The following CTNNA3 variants were observed in gnomAD, a reference collection of about 807,000 sequenced individuals.
The protein encoded by CTNNA3 is catenin alpha-3.
Under a neutral mutation model 95.7 loss-of-function variants are expected in CTNNA3, and 76 were observed. The ratio of observed to expected loss-of-function variants is 0.79; its 90% confidence interval spans 0.66 to 0.96. CTNNA3 has a LOEUF of 0.96. Among genes scored for constraint, CTNNA3 ranks in the 40% least tolerant of loss-of-function variants. The pLI is 0.00. For missense variants in CTNNA3, 1,191 were observed against 1,089.8 expected (o/e 1.09, Z -1.31); for synonymous variants, 431 against 374.4 (o/e 1.15, Z -1.74).
At chr10:66,743,974 CAAAAAAAA>C (rs536825430) in intron 9 of CTNNA3, among the ~76,000 whole-genome samples, 1 of 45,056 alleles carries the variant, frequency 2.2e-5, no homozygotes, top group African/African-American at 8.4e-5. Context: ...GATTCCATCT[CAAAAAAAA>C]AAAAAAAAAA....
At chr10:66,002,399 G>A (rs2078788305) in intron 15 of CTNNA3, among the ~76,000 whole-genome samples, 1 of 152,084 alleles carries the variant, frequency 6.6e-6, no homozygotes, top group African/African-American at 2.4e-5. Flanking sequence ...AAGAACTTTT[G>A]GGATTCAAGT....
intron 5 of CTNNA3, among the ~76,000 whole-genome samples, chr10:67,472,561 A>G (rs964667916): frequency 1.3e-5 from 2 of 152,164 alleles, no homozygotes; most frequent in Non-Finnish European, 2.9e-5. Flanking sequence ...TTAACTCTGT[A>G]TGGTCTGGAT....
chr10:66,311,588 C>T (rs562890209), intron 12 of CTNNA3, among the ~76,000 whole-genome samples: 37 of 152,228 alleles, frequency 2.4e-4, no homozygotes, highest in Non-Finnish European at 4.0e-4. Flanking sequence ...GGCCTTGACC[C>T]GCAAGCTCCA....
At chr10:66,241,488 A>G (rs1245698997) in intron 13 of CTNNA3, among the ~76,000 whole-genome samples, 2 of 152,216 alleles carry the variant, frequency 1.3e-5, no homozygotes, top group African/African-American at 2.4e-5. Flanking sequence ...CTTTGAGGAT[A>G]TTAAGACCTT....
At chr10:65,949,921 T>A (rs2077581289) in intron 17 of CTNNA3, among the ~76,000 whole-genome samples, 2 of 152,122 alleles carry the variant, frequency 1.3e-5, no homozygotes, top group South Asian at 4.1e-4. Flanking sequence ...TCAGAGTGGG[T>A]GGAGACTGGA....
intron 1 of CTNNA3, among the ~76,000 whole-genome samples, chr10:67,690,124 C>T (rs532305421): frequency 1.1e-4 from 17 of 152,046 alleles, no homozygotes; most frequent in South Asian, 8.3e-4. Flanking sequence ...TACTCCCTTC[C>T]GGTGGGTTCG....
At chr10:66,257,880 T>C (rs571643519) in intron 13 of CTNNA3, among the ~76,000 whole-genome samples, 1 of 152,310 alleles carries the variant, frequency 6.6e-6, no homozygotes, top group African/African-American at 2.4e-5. Context: ...TATACCCTTT[T>C]TGGACAGACT....
Position 65,920,420 on chromosome 10 carries a change from T to A in CTNNA3, c.2598A>T (p.Glu866Asp). ...AGCCTCGTCTGACAGCTGCACACGT[T>A]TCCTCTGGCTTCTCTCTTTTAATCA... ...KPLIKREKPE[E>D]TCAAVRRGSA... The change falls in exon 18 of 18, where the codon GAA (glutamate) becomes GAT (aspartate). Residue 866 changes from glutamate (E) to aspartate (D), a missense_variant. By Grantham distance (45) the Glu-to-Asp change is conservative (BLOSUM62 2). Transcript: ENST00000433211. 6.2e-7 allele frequency: 1 copy of A among 1,614,164 alleles called. No individual in the cohort carries two copies.
At chr10:67,466,654 G>A (rs1589320142) in intron 5 of CTNNA3, among the ~76,000 whole-genome samples, 1 of 152,158 alleles carries the variant, frequency 6.6e-6, no homozygotes. Context: ...AGCTTCCGGG[G>A]AAATGAGGGT....
intron 6 of CTNNA3, among the ~76,000 whole-genome samples, chr10:67,205,060 T>C (rs1863829290): frequency 6.6e-6 from 1 of 152,212 alleles, no homozygotes; most frequent in Admixed American, 6.5e-5. Flanking sequence ...GAATTCAGGA[T>C]CCTCATCTCT....
At chr10:67,326,940 A>G (rs1341274671) in intron 5 of CTNNA3, among the ~76,000 whole-genome samples, 2 of 151,922 alleles carry the variant, frequency 1.3e-5, no homozygotes, top group African/African-American at 2.4e-5. Flanking sequence ...TTTTTTCTCT[A>G]TTCTTGTCTG....
chr10:66,086,684 G>A (rs1404249451), intron 14 of CTNNA3, among the ~76,000 whole-genome samples: 2 of 152,008 alleles, frequency 1.3e-5, no homozygotes, highest in Non-Finnish European at 2.9e-5. Flanking sequence ...GAAGGACTCA[G>A]TAGAAAAGAA....
intron 5 of CTNNA3, among the ~76,000 whole-genome samples, chr10:67,340,924 G>A (rs1440551107): frequency 2.6e-5 from 4 of 152,126 alleles, no homozygotes; most frequent in Non-Finnish European, 5.9e-5. Context: ...ACATATTAAA[G>A]GGATGGAGGA....
intron 11 of CTNNA3, among the ~76,000 whole-genome samples, chr10:66,460,606 G>A (rs1209797753): frequency 6.6e-6 from 1 of 151,860 alleles, no homozygotes; most frequent in African/African-American, 2.4e-5. Context: ...TTTCTCTCTA[G>A]TGTTTCTGAT....
intron 5 of CTNNA3, among the ~76,000 whole-genome samples, chr10:67,252,643 G>C (rs1866156784): frequency 6.6e-6 from 1 of 152,154 alleles, no homozygotes; most frequent in East Asian, 1.9e-4. Flanking sequence ...ATGAAGTGAG[G>C]TGAATTACAT....
intron 15 of CTNNA3, among the ~76,000 whole-genome samples, chr10:66,057,390 T>C (rs548893807): frequency 2.6e-5 from 4 of 152,328 alleles, no homozygotes; most frequent in South Asian, 4.1e-4. Context: ...AGTTTAGAAA[T>C]TGAAATTGAG....
intron 13 of CTNNA3, among the ~76,000 whole-genome samples, chr10:66,163,430 A>G (rs2084956087): frequency 6.6e-6 from 1 of 151,420 alleles, no homozygotes; most frequent in Non-Finnish European, 1.5e-5. Flanking sequence ...CTCTAAATTG[A>G]CTCATCTCCA....
intron 15 of CTNNA3, among the ~76,000 whole-genome samples, chr10:66,002,673 G>A (rs567441189): frequency 6.6e-6 from 1 of 152,192 alleles, no homozygotes; most frequent in Admixed American, 6.5e-5. Flanking sequence ...TGTCCCCTAA[G>A]GCTCCAGAAC....
At chr10:66,421,149 G>T (rs1045136744) in intron 11 of CTNNA3, among the ~76,000 whole-genome samples, 3 of 151,964 alleles carry the variant, frequency 2.0e-5, no homozygotes, top group African/African-American at 4.8e-5. Flanking sequence ...AAATAACCCA[G>T]GCACAGAAAG....
Sources: gnomAD v4.1 joint callset for allele counts (sites outside exome capture counted in the v4.1 genomes callset) on GRCh38, gnomAD v4.1.1 for gene constraint, MANE v1.5 for transcripts, NCBI Gene and HGNC (gene_info 2026-07-23, HGNC 2026-07-21) for gene names.